Variants in CHL1 observed in about 807,000 individuals in gnomAD.
The protein encoded by CHL1 is cell adhesion molecule L1 like.
A neutral mutation model predicts 141.9 loss-of-function variants in CHL1; 96 were observed. The observed-to-expected ratio is 0.68, with a 90% CI of 0.57 to 0.80. The LOEUF is 0.80. Ranked by LOEUF, CHL1 falls within the 30% of genes least tolerant of loss-of-function variation. CHL1 has a pLI of 0.00. For synonymous variants in CHL1, 613 were observed against 502.2 expected (o/e 1.22, Z -2.95); for missense variants, 1,820 against 1,457.2 (o/e 1.25, Z -4.05).
intron 27 of CHL1, among the ~76,000 whole-genome samples, chr3:405,221 G>T (rs982835590): frequency 1.3e-5 from 2 of 152,140 alleles, no homozygotes; most frequent in Admixed American, 1.3e-4. Flanking sequence ...TCCTACAGAA[G>T]CTAAGCTGCT....
At chr3:353,580 C>T (rs937739833) in intron 10 of CHL1, among the ~76,000 whole-genome samples, 23 of 152,202 alleles carry the variant, frequency 1.5e-4, no homozygotes, top group African/African-American at 5.1e-4. Context: ...TGGACTTGAA[C>T]TTGAACTTGC....
At chr3:355,669 C>T (rs1703648734) in intron 11 of CHL1, among the ~76,000 whole-genome samples, 1 of 152,178 alleles carries the variant, frequency 6.6e-6, no homozygotes, top group Non-Finnish European at 1.5e-5. Context: ...CTAGGATGTG[C>T]ACCTTGCCAG....
rs549088282 is a variant in CHL1 at position 273,154 on chromosome 3, A to T, written c.-95+28462A>T. ...GCTTGGTAGTATTTCACAAACAGTG[A>T]GGAGGTGGGAGTAAATTCAGCACTT... On this transcript the variant is annotated intron_variant, in intron 2 of 27. Transcript: ENST00000256509. Among the ~76,000 whole-genome samples, 5 of 152,308 alleles carry T rather than the reference A, an allele frequency of 3.3e-5. No individual in the cohort carries two copies. The South Asian group carries it at 1.0e-3, about 32-fold the overall frequency.
intron 1 of CHL1, among the ~76,000 whole-genome samples, chr3:218,454 G>A (rs1040950283): frequency 3.9e-5 from 6 of 152,110 alleles, no homozygotes; most frequent in African/African-American, 1.4e-4. Context: ...GTTTCCTCAA[G>A]TCAGTAGAGA....
At chr3:210,263 A>T (rs551166964) in intron 1 of CHL1, among the ~76,000 whole-genome samples, 2 of 152,384 alleles carry the variant, frequency 1.3e-5, no homozygotes, top group East Asian at 3.9e-4. Flanking sequence ...AAACTAACTC[A>T]TACCTTTAAA....
intron 2 of CHL1, among the ~76,000 whole-genome samples, chr3:264,009 C>T (rs189609940): frequency 6.6e-6 from 1 of 152,224 alleles, no homozygotes; most frequent in African/African-American, 2.4e-5. Context: ...ACTGCACTAT[C>T]ACAGTCTTAG....
intron 1 of CHL1, among the ~76,000 whole-genome samples, chr3:228,082 G>C (rs1701519633): frequency 6.6e-6 from 1 of 152,206 alleles, no homozygotes; most frequent in Non-Finnish European, 1.5e-5. Flanking sequence ...CTGCCTAATG[G>C]AATTGATCTA....
intron 13 of CHL1, 63 bp from the exon 14 acceptor site, chr3:363,154 G>C: frequency 7.2e-7 from 1 of 1,394,376 alleles, no homozygotes; most frequent in Non-Finnish European, 9.9e-7. Context: ...TCACTGACTA[G>C]TATTAAAAAG....
At chr3:277,791 G>C (rs986102406) in intron 2 of CHL1, among the ~76,000 whole-genome samples, 1 of 152,180 alleles carries the variant, frequency 6.6e-6, no homozygotes, top group Non-Finnish European at 1.5e-5. Context: ...ATTGGAAAGA[G>C]AATCAACTCA....
In CHL1 at chr3:343,138, T is replaced by C. The variant is rs189537970; in HGVS notation, c.727+107T>C. The C allele has an allele frequency of 4.3e-4, 355 of 827,120 alleles. 2 individuals are homozygous for C. Among genetic ancestry groups the C allele is most frequent in the Admixed American group, 3.3e-3 (110 of 33,700 alleles). 51.2% of individuals were successfully genotyped at this position (827,120 alleles called of 1,614,324 possible). ...TCTTAAGTTTATTACAATACTGTTATTATGAAAAACATCTGAACTTAGAGG... is the reference window on the plus strand; with the variant it reads ...TCTTAAGTTTATTACAATACTGTTACTATGAAAAACATCTGAACTTAGAGG... On this transcript the variant is annotated intron_variant, in intron 8 of 27. Transcript: ENST00000256509.
At chr3:275,206 G>T (rs1695980977) in intron 2 of CHL1, among the ~76,000 whole-genome samples, 1 of 152,222 alleles carries the variant, frequency 6.6e-6, no homozygotes, top group African/African-American at 2.4e-5. Flanking sequence ...AGTGGTAGGG[G>T]TCAGGCTCTT....
At chr3:260,938 G>T (rs1231581207) in intron 2 of CHL1, among the ~76,000 whole-genome samples, 1 of 151,934 alleles carries the variant, frequency 6.6e-6, no homozygotes, top group East Asian at 1.9e-4. Flanking sequence ...GGTTTTTTTT[G>T]GACAGTTTGA....
chr3:216,152 A>G (rs1488713078), intron 1 of CHL1, among the ~76,000 whole-genome samples: 3 of 152,230 alleles, frequency 2.0e-5, no homozygotes, highest in Non-Finnish European at 4.4e-5. Flanking sequence ...AAAGGGATAA[A>G]ACTAATCAGA....
chr3:221,885 A>C (rs890794944), intron 1 of CHL1, among the ~76,000 whole-genome samples: 2 of 152,234 alleles, frequency 1.3e-5, no homozygotes, highest in Non-Finnish European at 2.9e-5. Context: ...GTGTTCAGTA[A>C]AAATATAACT....
At chr3:270,685 A>G (rs548441272) in intron 2 of CHL1, among the ~76,000 whole-genome samples, 1 of 152,368 alleles carries the variant, frequency 6.6e-6, no homozygotes, top group African/African-American at 2.4e-5. Context: ...TTAAGAATAT[A>G]GAGAGGGCAG....
In CHL1 at chr3:220,515, GT is replaced by G. The variant is rs904694431; in HGVS notation, c.-175+23462del. 1.7e-4 allele frequency among the ~76,000 whole-genome samples: 26 copies of G among 151,700 alleles called. No homozygotes were observed. The East Asian group carries it at 2.1e-3, about 12-fold the overall frequency. On this transcript the variant is annotated intron_variant, in intron 1 of 27. Transcript: ENST00000256509. ...TAACACTAACGATAGCTGATGAGTT[GT>G]TTTTTTTTTAAAAAAAGGTCCATGC...
At chr3:297,792 C>T (rs1051997727) in intron 2 of CHL1, among the ~76,000 whole-genome samples, 1 of 152,096 alleles carries the variant, frequency 6.6e-6, no homozygotes, top group Non-Finnish European at 1.5e-5. Context: ...CTCATCTCTG[C>T]AGTATTGAAA....
Position 397,802 on chromosome 3 carries a change from T to C in CHL1, c.3095-425T>C, listed in dbSNP as rs184279692. Among the ~76,000 whole-genome samples, 336 of 152,204 alleles carry C rather than the reference T, an allele frequency of 2.2e-3. 2 individuals are homozygous for C. Among genetic ancestry groups the C allele is most frequent in the Non-Finnish European group, 2.1e-3 (142 of 67,952 alleles). On this transcript the variant is annotated intron_variant, in intron 24 of 27. Transcript: ENST00000256509. ...TTTAATGCTATTTCATCAGTGTTTATGGAGAAGACCAAAGCAAAAAAAAGC... is the reference window on the plus strand; with the variant it reads ...TTTAATGCTATTTCATCAGTGTTTACGGAGAAGACCAAAGCAAAAAAAAGC...
chr3:273,858 A>G (rs1695852841), intron 2 of CHL1, among the ~76,000 whole-genome samples: 1 of 152,186 alleles, frequency 6.6e-6, no homozygotes, highest in Non-Finnish European at 1.5e-5. Flanking sequence ...CCTATACTGT[A>G]ATGTTCCATG....
Sources: allele counts gnomAD v4.1 joint callset (sites outside exome capture counted in the v4.1 genomes callset), GRCh38; gene constraint gnomAD v4.1.1; transcripts MANE v1.5; gene names NCBI Gene and HGNC (gene_info 2026-07-23, HGNC 2026-07-21).